Variants in ATP9A observed in about 807,000 individuals in gnomAD.
ATP9A encodes the protein ATPase phospholipid transporting 9A.
In ATP9A, 52 loss-of-function variants were observed where a neutral mutation model predicts 144.1. That is an observed-to-expected ratio of 0.36 (90% CI 0.29 to 0.45). ATP9A has a LOEUF of 0.45. Among genes scored for constraint, ATP9A ranks in the 20% least tolerant of loss-of-function variants. The probability of loss-of-function intolerance (pLI) is 1.00; values close to 1 mark genes in which losing one functional copy is unlikely to be tolerated. For synonymous variants in ATP9A, 582 were observed against 557.4 expected (o/e 1.04, Z -0.62); for missense variants, 947 against 1,392.7 (o/e 0.68, Z 5.09).
chr20:51,679,141 T>C (rs1023027813), intron 9 of ATP9A, among the ~76,000 whole-genome samples: 27 of 151,346 alleles, frequency 1.8e-4, no homozygotes, highest in Non-Finnish European at 4.0e-4. Flanking sequence ...CTGGCCAACA[T>C]GGCGAAACCC....
rs1056013566 is a variant in ATP9A, at chr20:51,598,682, T to C, written c.*2529A>G. On this transcript the variant is annotated 3_prime_UTR_variant, in exon 28 of 28. Coordinates refer to ENST00000338821, the MANE Select transcript of ATP9A (RefSeq NM_006045.3). ...CTGGGGTTCTCTGCTGGGCTTACAG[T>C]CTGATTGTGCAGGTAAAGATCGTGT... 2 of 151,492 alleles carry C rather than the reference T, an allele frequency of 1.3e-5. No individual in the cohort carries two copies. The highest frequency in any genetic ancestry group is 4.9e-5 in the African/African-American group (2 of 41,180). 9.4% of individuals were successfully genotyped at this position (151,492 alleles called of 1,614,324 possible).
intron 27 of ATP9A, among the ~76,000 whole-genome samples, chr20:51,601,558 T>G (rs1316273809): frequency 6.6e-6 from 1 of 152,190 alleles, no homozygotes; most frequent in Non-Finnish European, 1.5e-5. Context: ...TTCCTCGCTC[T>G]CTCTTCTGTA....
intron 1 of ATP9A, among the ~76,000 whole-genome samples, chr20:51,756,591 T>C (rs538391320): frequency 9.2e-5 from 14 of 151,980 alleles, no homozygotes; most frequent in African/African-American, 3.4e-4. Flanking sequence ...ATGCCCAGCC[T>C]CTCTTTCTGT....
At chr20:51,658,991 C>A (rs1050871459) in intron 13 of ATP9A, among the ~76,000 whole-genome samples, 1 of 149,508 alleles carries the variant, frequency 6.7e-6, no homozygotes, top group Non-Finnish European at 1.5e-5. Context: ...CCATCTTCCT[C>A]CCGTTCCCTC....
intron 14 of ATP9A, among the ~76,000 whole-genome samples, chr20:51,642,726 C>CAAAAAAAAAAAAAAAAAAA (rs778440862): frequency 5.8e-4 from 18 of 31,140 alleles, no homozygotes; most frequent in East Asian, 2.8e-3. Flanking sequence ...ACTCTGTCTC[C>CAAAAAAAAAAAAAAAAAAA]AAAAAAAAAA....
intron 17 of ATP9A, among the ~76,000 whole-genome samples, chr20:51,626,742 A>C (rs755839311): frequency 6.6e-6 from 1 of 152,052 alleles, no homozygotes; most frequent in African/African-American, 2.4e-5. Context: ...GCCAAGGACT[A>C]TCTTTAACTA....
intron 13 of ATP9A, among the ~76,000 whole-genome samples, chr20:51,661,040 T>A (rs2077408405): frequency 6.6e-6 from 1 of 152,172 alleles, no homozygotes; most frequent in East Asian, 1.9e-4. Flanking sequence ...GGAATTAAGA[T>A]CTCCAAATAC....
At chr20:51,662,535 ACT>A (rs1161322364) in intron 13 of ATP9A, among the ~76,000 whole-genome samples, 4 of 138,698 alleles carry the variant, frequency 2.9e-5, no homozygotes, top group African/African-American at 1.1e-4. Flanking sequence ...ACAGAGCAAG[ACT>A]CTGTCTCAAA....
chr20:51,692,924 A>G (rs959329202), intron 7 of ATP9A, among the ~76,000 whole-genome samples: 2 of 152,202 alleles, frequency 1.3e-5, no homozygotes, highest in African/African-American at 2.4e-5. Context: ...TGTTACGTCA[A>G]TCCCGCCAAG....
chr20:51,754,229 C>T (rs1317046284), intron 1 of ATP9A, among the ~76,000 whole-genome samples: 1 of 151,998 alleles, frequency 6.6e-6, no homozygotes, highest in Non-Finnish European at 1.5e-5. Context: ...ACGCTGGGCG[C>T]GGTGGCTCAT....
intron 27 of ATP9A, 111 bp downstream of exon 27, chr20:51,604,706 G>C: frequency 4.0e-6 from 4 of 991,472 alleles, no homozygotes; most frequent in Non-Finnish European, 5.5e-6. Context: ...ACTGCTGGAG[G>C]AAGAGCCCAG....
intron 13 of ATP9A, 40 bp downstream of exon 13, chr20:51,669,957 G>A: frequency 7.6e-7 from 1 of 1,317,708 alleles, no homozygotes. Flanking sequence ...AAAAAAAAAA[G>A]TCAAAGAATT....
At chr20:51,675,987 CAT>C in intron 10 of ATP9A, 143 bp downstream of exon 10, 1 of 570,042 alleles carries the variant, frequency 1.8e-6, no homozygotes. Context: ...GTATTTATTG[CAT>C]ACACACACAC....
rs1010719666 is a variant in ATP9A at position 51,598,925 on chromosome 20, G to T, written c.*2286C>A. 6.6e-6 allele frequency: 1 copy of T among 152,270 alleles called. No homozygotes were observed. Among genetic ancestry groups the T allele is most frequent in the Non-Finnish European group, 1.5e-5 (1 of 68,060 alleles). 9.4% of individuals were successfully genotyped at this position (152,270 alleles called of 1,614,324 possible). ...GCGGCTGAGACAACAGAGTAAAAAG[G>T]TTTGTGGAGAACACTGACGAGTACC... On this transcript the variant is annotated 3_prime_UTR_variant, in exon 28 of 28. Coordinates refer to ENST00000338821, the MANE Select transcript of ATP9A (RefSeq NM_006045.3).
chr20:51,704,772 C>T (rs1372856078), intron 4 of ATP9A, among the ~76,000 whole-genome samples: 1 of 152,112 alleles, frequency 6.6e-6, no homozygotes, highest in Non-Finnish European at 1.5e-5. Flanking sequence ...AAGAGCGAAA[C>T]TCCATCTCAA....
At chr20:51,721,246 C>A (rs2077687718) in intron 3 of ATP9A, among the ~76,000 whole-genome samples, 1 of 152,178 alleles carries the variant, frequency 6.6e-6, no homozygotes, top group Non-Finnish European at 1.5e-5. Flanking sequence ...CACCTACTGC[C>A]AACAGCAAAA....
At chr20:51,627,532 T>C (rs2077254204) in intron 17 of ATP9A, 68 bp downstream of exon 17, 4 of 1,375,774 alleles carry the variant, frequency 2.9e-6, no homozygotes, top group Admixed American at 3.4e-5. Context: ...GGATGAGGGA[T>C]GGTGGAAGGA....
At chr20:51,745,564 G>A (rs1258147784) in intron 1 of ATP9A, among the ~76,000 whole-genome samples, 3 of 152,180 alleles carry the variant, frequency 2.0e-5, no homozygotes, top group Admixed American at 1.3e-4. Flanking sequence ...CACTACTACA[G>A]GGAAGTAGGG....
Position 51,694,035 on chromosome 20 carries a change from G to A in ATP9A, c.615C>T (p.Ala205=), listed in dbSNP as rs1396257935. 1.9e-5 allele frequency: 30 copies of A among 1,613,842 alleles called. No individual in the cohort carries two copies. Among genetic ancestry groups the A allele is most frequent in the Non-Finnish European group, 2.4e-5 (28 of 1,179,968 alleles). Reference sequence around the variant, plus strand: ...CGGCCGTGGGGAGCCTCTGCGTGCAGGCCACGGGAAGCCGCAGCTTCCAGT... The same window carrying A: ...CGGCCGTGGGGAGCCTCTGCGTGCAAGCCACGGGAAGCCGCAGCTTCCAGT... ...ETDWKLRLPV[A]CTQRLPTAAD... is the part of the protein sequence containing the mutation. The change falls in exon 7 of 28, where the codon GCC becomes GCT. Residue 205 remains alanine, a synonymous_variant. Transcript: ENST00000338821.
Sources: allele counts gnomAD v4.1 joint callset (sites outside exome capture counted in the v4.1 genomes callset), GRCh38; gene constraint gnomAD v4.1.1; transcripts MANE v1.5; gene names NCBI Gene and HGNC (gene_info 2026-07-23, HGNC 2026-07-21).